The following SMTN variants were observed in gnomAD, a reference collection of about 807,000 sequenced individuals.
SMTN encodes smoothelin.
In SMTN, 58 loss-of-function variants were observed where a neutral mutation model predicts 102.0. The ratio of observed to expected loss-of-function variants is 0.57; its 90% CI spans 0.46 to 0.71. The LOEUF (loss-of-function observed/expected upper bound fraction) is 0.71, where lower values mean the gene tolerates loss of function less well. Ranked by LOEUF, SMTN falls within the 30% of genes least tolerant of loss-of-function variation. SMTN has a pLI of 0.00. For synonymous variants in SMTN, 478 were observed against 497.9 expected (o/e 0.96, Z 0.53); for missense variants, 1,185 against 1,241.7 (o/e 0.95, Z 0.69).
At chr22:31,083,980 C>T (rs1276034471) in intron 2 of SMTN, among the ~76,000 whole-genome samples, 1 of 152,244 alleles carries the variant, frequency 6.6e-6, no homozygotes, top group Non-Finnish European at 1.5e-5. Context: ...GTCTCAGTTC[C>T]TCTACCTGTA....
chr22:31,071,994 C>T (rs2042015554), intron 1 of SMTN, among the ~76,000 whole-genome samples: 1 of 152,094 alleles, frequency 6.6e-6, no homozygotes, highest in Non-Finnish European at 1.5e-5. Flanking sequence ...CCACACTTAG[C>T]CATATTGCCA....
chr22:31,085,364 C>G, intron 2 of SMTN: 1 of 1,325,050 alleles, frequency 7.5e-7, no homozygotes, highest in East Asian at 2.6e-5. Flanking sequence ...CGCCCCCTGG[C>G]GAGGCTTCCC....
At position 31,091,221 on chromosome 22, in the gene SMTN, G is replaced by A. The variant is rs1240432015; in HGVS notation, c.1198G>A (p.Val400Ile). 13 of 1,611,102 alleles carry A rather than the reference G, an allele frequency of 8.1e-6. No homozygotes were observed. Among genetic ancestry groups the A allele is most frequent in the African/African-American group, 2.7e-5 (2 of 74,872 alleles). ...CCGGTTCAGCAAGGAGCAACGAGGA[G>A]TAGCCCAGCCCCTGGCCCAGCTTCG... ...SSRFSKEQRG[V>I]AQPLAQLRSC... Residue 400 changes from valine (V) to isoleucine (I), a missense_variant, in exon 10 of 21, where the codon GTA (valine) becomes ATA (isoleucine). Around this residue, in one of 2 missense-constraint regions of SMTN, gnomAD observed 1,096 missense variants for 1,112.7 expected, o/e 0.98. Coordinates refer to ENST00000333137, the MANE Select transcript of SMTN (RefSeq NM_134269.3).
At chr22:31,089,583 C>A in intron 6 of SMTN, 116 bp from the exon 7 acceptor site, 1 of 931,530 alleles carries the variant, frequency 1.1e-6, no homozygotes, top group Middle Eastern at 3.1e-4. Flanking sequence ...GGAAGCCATG[C>A]CCCACCACTC....
chr22:31,089,806 C>T lies in SMTN; in HGVS notation c.579C>T (p.Ala193=), dbSNP rs1311648244. 1.2e-6 allele frequency: 2 copies of T among 1,613,684 alleles called. No individual in the cohort carries two copies. Among genetic ancestry groups the T allele is most frequent in the East Asian group, 2.2e-5 (1 of 44,866 alleles). The change falls in exon 7 of 21, where the codon GCC becomes GCT. Residue 193 remains alanine (A), a synonymous_variant. Transcript: ENST00000333137. The part of the protein sequence containing the change: ...DVTTVTLLLR[A]PPGSTSSSPA... ...CCACAGTGACACTCCTGCTGCGAGCCCCACCTGGGAGCACATCCAGCTCAC... is the reference window on the plus strand; with the variant it reads ...CCACAGTGACACTCCTGCTGCGAGCTCCACCTGGGAGCACATCCAGCTCAC...
At chr22:31,100,850 T>TACCCC in intron 19 of SMTN, 35 bp from the exon 20 acceptor site, 1 of 636,328 alleles carries the variant, frequency 1.6e-6, no homozygotes, top group Non-Finnish European at 2.6e-6. Context: ...CCTGCCCCCG[T>TACCCC]CCCCCACCCC....
At chr22:31,069,237 C>A (rs1007752983) in intron 1 of SMTN, among the ~76,000 whole-genome samples, 1 of 152,002 alleles carries the variant, frequency 6.6e-6, no homozygotes, top group African/African-American at 2.4e-5. Flanking sequence ...GTAACTAGGG[C>A]GCTCTCTTCC....
Position 31,095,428 on chromosome 22 carries a change from T to C in SMTN, c.1758T>C (p.Ile586=). The change falls in exon 12 of 21, where the codon ATT becomes ATC. Residue 586 remains isoleucine (I), a synonymous_variant. Transcript: ENST00000333137. The surrounding 1 kb of genome is among the most constrained non-coding windows in gnomAD (Gnocchi z 4.1). ...TGAGCGCTGAGGAGCTGATGACTATTGAGGATGAAGGAGTCTTGGACAAGA... is the reference window on the plus strand; with the variant it reads ...TGAGCGCTGAGGAGCTGATGACTATCGAGGATGAAGGAGTCTTGGACAAGA... The part of the protein sequence containing the change: ...SPLSAEELMT[I]EDEGVLDKML... 6 of 1,614,160 alleles carry C rather than the reference T, an allele frequency of 3.7e-6. No individual in the cohort carries two copies. Among genetic ancestry groups the C allele is most frequent in the Non-Finnish European group, 5.1e-6 (6 of 1,180,020 alleles).
chr22:31,097,746 A>AAAT (rs1042453063), intron 16 of SMTN, among the ~76,000 whole-genome samples: 7 of 151,326 alleles, frequency 4.6e-5, no homozygotes, highest in South Asian at 2.1e-4. Context: ...ATAAATAAAT[A>AAAT]AATAAAACAG....
rs759693576 is a variant in SMTN at position 31,091,495 on chromosome 22, C to G, written c.1459+13C>G. On this transcript the variant is annotated intron_variant, in intron 10 of 20. Coordinates refer to ENST00000333137, the MANE Select transcript of SMTN (RefSeq NM_134269.3). ...AACCAGAGGGCAGGTAGGCGCCCCC[C>G]ACTGCCTCCCCAATGGGGATGAGTG... 4.6e-6 allele frequency: 7 copies of G among 1,518,298 alleles called. No individual in the cohort carries two copies. The East Asian group carries it at 1.1e-4, about 25-fold the overall frequency. The allele number at this position is 1,518,298 out of a possible 1,614,324, so 94.1% of individuals were successfully genotyped here. A position where few individuals can be genotyped will look rare whatever the true frequency, so the allele number is the denominator to read the frequency against.
At chr22:31,085,377 C>A in intron 2 of SMTN, 1 of 1,258,478 alleles carries the variant, frequency 7.9e-7, no homozygotes, top group Non-Finnish European at 1.1e-6. Context: ...GGCTTCCCTC[C>A]ACCGCCGGCG....
Position 31,089,927 on chromosome 22 carries a change from C to T in SMTN, c.700C>T (p.Pro234Ser), listed in dbSNP as rs2042987883. 1 of 1,605,526 alleles carries T rather than the reference C, an allele frequency of 6.2e-7. No homozygotes were observed. Among genetic ancestry groups the T allele is most frequent in the African/African-American group, 1.3e-5 (1 of 74,638 alleles). Residue 234 changes from proline (P) to serine (S), a missense_variant, in exon 7 of 21, where the codon CCA (proline) becomes TCA (serine). This residue lies in a region of SMTN where 1,096 missense variants were observed against 1,112.7 expected (regional missense o/e 0.98). Transcript: ENST00000333137. ...CCTTACAGCTGAGGTTCCAGGCAGC[C>T]CAGAGCCACCCCCCAGCCCACCCAA... Reference protein sequence around the residue: ...QCLTAEVPGSPEPPPSPPKTT... With the variant: ...QCLTAEVPGSSEPPPSPPKTT...
rs370882753 is a variant in SMTN, at chr22:31,083,239, C to T, written c.-20C>T. 38 of 1,597,908 alleles carry T rather than the reference C, an allele frequency of 2.4e-5. No homozygotes were observed. The highest frequency in any genetic ancestry group is 1.1e-4 in the East Asian group (5 of 44,220). ...GGGGATCTCACCAGAAAGGAACCGA[C>T]GGAGCTAGGGGCCAGCGAGATGGCG... is the stretch of plus-strand genomic sequence containing the variant. On this transcript the variant is annotated 5_prime_UTR_variant, in exon 2 of 21. It adds an upstream start codon to the 5' untranslated region. Coordinates refer to ENST00000333137, the MANE Select transcript of SMTN (RefSeq NM_134269.3).
Position 31,095,029 on chromosome 22 carries a change from T to C in SMTN, c.1633-274T>C, listed in dbSNP as rs1340987390. ...GGGACAGTAAAGTCCCTAGTGTTTA[T>C]ACAACACTTACTATGGACTGGAAAT... On this transcript the variant is annotated intron_variant, in intron 11 of 20. Transcript: ENST00000333137. The surrounding 1 kb of genome is among the most constrained non-coding windows in gnomAD (Gnocchi z 4.1). Among the ~76,000 whole-genome samples, 2 of 152,166 alleles carry C rather than the reference T, an allele frequency of 1.3e-5. No individual in the cohort carries two copies. Among genetic ancestry groups the C allele is most frequent in the Non-Finnish European group, 2.9e-5 (2 of 68,030 alleles).
At position 31,091,245 on chromosome 22, in the gene SMTN, C is replaced by T. The variant is rs1342949237; in HGVS notation, c.1222C>T (p.Arg408Ter). The T allele has an allele frequency of 4.4e-6, 7 of 1,605,450 alleles. No individual in the cohort carries two copies. The highest frequency in any genetic ancestry group is 1.1e-5 in the South Asian group (1 of 90,336). The change falls in exon 10 of 21, where the codon CGA becomes TGA. Residue 408 changes from arginine (R) to a stop codon, truncating the protein, a stop_gained. Coordinates refer to ENST00000333137, the MANE Select transcript of SMTN (RefSeq NM_134269.3). LOFTEE classifies it high-confidence loss of function. Reference sequence around the variant, plus strand: ...AGTAGCCCAGCCCCTGGCCCAGCTTCGAAGCTGCCCCCAGGAGGAGGGCCC... The same window carrying T: ...AGTAGCCCAGCCCCTGGCCCAGCTTTGAAGCTGCCCCCAGGAGGAGGGCCC... ...RGVAQPLAQL[R>*]SCPQEEGPRG... is the part of the protein sequence containing the mutation.
chr22:31,095,808 G>T lies in SMTN; in HGVS notation c.1861+199G>T, dbSNP rs988551380. ...CCCTAGCTCCTTCTCTCCCGCTGGTGACCCCAGTTATTCTCCCCAACCAGC... is the reference window on the plus strand; with the variant it reads ...CCCTAGCTCCTTCTCTCCCGCTGGTTACCCCAGTTATTCTCCCCAACCAGC... On this transcript the variant is annotated intron_variant, in intron 13 of 20. Coordinates refer to ENST00000333137, the MANE Select transcript of SMTN (RefSeq NM_134269.3). The surrounding 1 kb of genome is among the most constrained non-coding windows in gnomAD (Gnocchi z 4.1). 4 of 598,302 alleles carry T rather than the reference G, an allele frequency of 6.7e-6. No individual in the cohort carries two copies. In the South Asian group the frequency reaches 8.0e-5, roughly 12 times the overall value. 37.1% of individuals were successfully genotyped at this position (598,302 alleles called of 1,614,324 possible).
In SMTN at chr22:31,089,848, T is replaced by C. The variant is rs760209020; in HGVS notation, c.621T>C (p.Ser207=). 1.9e-6 allele frequency: 3 copies of C among 1,613,566 alleles called. No individual in the cohort carries two copies. The African/African-American group carries it at 4.0e-5, about 22-fold the overall frequency. ...CCAGCTCACCTGCCTCACCCAGCAGTTCACCCACCCCTGCCTCTCCTGAGC... is the reference window on the plus strand; with the variant it reads ...CCAGCTCACCTGCCTCACCCAGCAGCTCACCCACCCCTGCCTCTCCTGAGC... ...STSSSPASPS[S]SPTPASPEPP... Residue 207 remains serine, a synonymous_variant, in exon 7 of 21, where the codon AGT becomes AGC. Coordinates refer to ENST00000333137, the MANE Select transcript of SMTN (RefSeq NM_134269.3).
At position 31,085,047 on chromosome 22, in the gene SMTN, G is replaced by A. The variant is rs1257465020; in HGVS notation, c.51+1738G>A. On this transcript the variant is annotated intron_variant, in intron 2 of 20. Transcript: ENST00000333137. ...GCAGTCGCTTCCGGCCCCGGCTCCC[G>A]CACATTCTTGAGGATTGGGCCGGGG... The A allele has an allele frequency of 1.4e-5, 21 of 1,517,354 alleles. No individual in the cohort carries two copies. The South Asian group carries it at 2.3e-4, about 17-fold the overall frequency. 94.0% of individuals were successfully genotyped at this position (1,517,354 alleles called of 1,614,324 possible).
chr22:31,075,567 G>C lies in SMTN; in HGVS notation c.-385-4883G>C, dbSNP rs1406808163. ...GTGGTGACGGGCCCTTGTAATCCCA[G>C]CTACTTGGGAGGCTGAGGCAGGAGA... On this transcript the variant is annotated intron_variant, in intron 1 of 3. Transcript: ENST00000422839. Among the ~76,000 whole-genome samples the C allele has an allele frequency of 3.3e-5, 5 of 152,102 alleles. No homozygotes were observed. The East Asian group carries it at 7.7e-4, about 24-fold the overall frequency.
Sources: allele counts gnomAD v4.1 joint callset (sites outside exome capture counted in the v4.1 genomes callset), GRCh38; gene constraint gnomAD v4.1.1; regional missense constraint gnomAD v4.1.1; non-coding constraint Gnocchi (gnomAD v3.1); transcripts MANE v1.5; gene names NCBI Gene and HGNC (gene_info 2026-07-23, HGNC 2026-07-21).